Variants in MRE11 observed in about 807,000 individuals in gnomAD.
MRE11 encodes the protein double-strand break repair protein MRE11.
In MRE11, 62 loss-of-function variants were observed where a neutral mutation model predicts 91.7. The observed-to-expected ratio is 0.68, with a 90% confidence interval of 0.55 to 0.84. The LOEUF (loss-of-function observed/expected upper bound fraction) is 0.84. MRE11 is among the 40% of genes least tolerant of loss of function. The pLI is 0.00. For missense variants in MRE11, 796 were observed against 852.9 expected, an observed-to-expected ratio of 0.93 and a Z score of 0.83; for synonymous variants, 273 against 271.4, an observed-to-expected ratio of 1.01 and a Z score of -0.06.
chr11:94,503,105 A>T, the MRE11 span, among the ~76,000 whole-genome samples: 1 of 152,036 alleles, frequency 6.6e-6, no homozygotes, highest in African/African-American at 2.4e-5. Context: ...TATTTTTTTT[A>T]TCTATAGGCA....
chr11:94,424,396 C>T (rs1307832744), intron 19 of MRE11, among the ~76,000 whole-genome samples: 3 of 152,138 alleles, frequency 2.0e-5, no homozygotes, highest in African/African-American at 7.2e-5. Flanking sequence ...GGAACAATAG[C>T]CCTCTAACAT....
rs1478702211 is a variant in MRE11 at position 94,420,123 on chromosome 11, T to C, written c.*2A>G. ...GCATGTTTCTCAGTGCCATTAAATA[T>C]ATTATCTTCTATTTCTTCTTAAAGA... is the stretch of plus-strand genomic sequence containing the variant. On this transcript the variant is annotated 3_prime_UTR_variant, in exon 20 of 20. Transcript: ENST00000323929. 1.3e-6 allele frequency: 2 copies of C among 1,557,854 alleles called. No homozygotes were observed. The highest frequency in any genetic ancestry group is 3.3e-5 in the Admixed American group (2 of 59,720).
At chr11:94,465,021 T>A (rs115859866) in intron 10 of MRE11, among the ~76,000 whole-genome samples, 1 of 152,182 alleles carries the variant, frequency 6.6e-6, no homozygotes, top group Admixed American at 6.5e-5. Flanking sequence ...GTATCATGTC[T>A]CTCTTTGCAC....
At chr11:94,448,856 AAAGGTAGTAAGAG>A (rs1946018436) in intron 14 of MRE11, among the ~76,000 whole-genome samples, 1 of 152,222 alleles carries the variant, frequency 6.6e-6, no homozygotes, top group Non-Finnish European at 1.5e-5. Flanking sequence ...AAACCAATCA[AAAGGTAGTAAGAG>A]AACAAAAACA....
intron 13 of MRE11, among the ~76,000 whole-genome samples, chr11:94,458,805 T>C (rs997498793): frequency 1.3e-5 from 2 of 152,208 alleles, no homozygotes; most frequent in African/African-American, 4.8e-5. Flanking sequence ...ATTAGCTATT[T>C]ATATTTCTTT....
chr11:94,482,263 A>C (rs949977292), intron 4 of MRE11, among the ~76,000 whole-genome samples: 1 of 152,218 alleles, frequency 6.6e-6, no homozygotes, highest in Non-Finnish European at 1.5e-5. Flanking sequence ...GTTATGAAGG[A>C]CAGAACTAAG....
intron 17 of MRE11, among the ~76,000 whole-genome samples, chr11:94,436,648 T>C (rs1335066763): frequency 6.6e-6 from 1 of 152,158 alleles, no homozygotes. Flanking sequence ...ACACACAGTT[T>C]TGAAAGTGAA....
intron 11 of MRE11, among the ~76,000 whole-genome samples, chr11:94,461,517 C>T: frequency 6.6e-6 from 1 of 152,248 alleles, no homozygotes; most frequent in East Asian, 1.9e-4. Context: ...CAATATCATA[C>T]TGAATGGACA....
rs939310557 is a variant in MRE11 at position 94,435,829 on chromosome 11, T to C, written c.1994+3A>G. On this transcript the variant is annotated splice_donor_region_variant and intron_variant, in intron 18 of 19. Transcript: ENST00000323929. ...TTCTTTTGCAGAAAATCACTGCACC[T>C]ACCTTTGATCTGTCTTTGAAGTGGT... 6.2e-7 allele frequency: 1 copy of C among 1,611,764 alleles called. No individual in the cohort carries two copies. The highest frequency in any genetic ancestry group is 1.7e-4 in the Middle Eastern group (1 of 6,056).
upstream of MRE11, chr11:94,498,445 T>G (rs749169445): frequency 6.2e-7 from 1 of 1,613,934 alleles, no homozygotes; most frequent in Non-Finnish European, 8.5e-7. Context: ...TGGAAGAAAC[T>G]GCATTTGATA....
chr11:94,455,701 C>T (rs1289522924), intron 14 of MRE11, among the ~76,000 whole-genome samples: 1 of 152,050 alleles, frequency 6.6e-6, no homozygotes, highest in Non-Finnish European at 1.5e-5. Context: ...TCTATTTGCC[C>T]ATGCTTGCTT....
At chr11:94,502,786 G>A in the MRE11 span, among the ~76,000 whole-genome samples, 1 of 151,996 alleles carries the variant, frequency 6.6e-6, no homozygotes, top group African/African-American at 2.4e-5. Context: ...TGATTCTCAT[G>A]CCTCAGCCTC....
Position 94,478,638 on chromosome 11 carries a change from C to T in MRE11, c.544+97G>A, listed in dbSNP as rs187414774. On this transcript the variant is annotated intron_variant, in intron 6 of 19. Transcript: ENST00000323929. ...AGTCACCAATAAAGAATAAGGTTTG[C>T]CCCATTTTTTCCAAACAGATACAAA... is the stretch of plus-strand genomic sequence containing the variant. 52 of 1,396,382 alleles carry T rather than the reference C, an allele frequency of 3.7e-5. 2 individuals carry two copies. The African/African-American group carries it at 6.1e-4, about 16-fold the overall frequency. The allele number at this position is 1,396,382 out of a possible 1,614,324, so 86.5% of individuals were successfully genotyped here.
chr11:94,496,808 A>C, upstream of MRE11: 3 of 1,614,082 alleles, frequency 1.9e-6, no homozygotes, highest in Non-Finnish European at 2.5e-6. Flanking sequence ...CCTTATTCCT[A>C]CTGGTACTCA....
chr11:94,437,297 A>T (rs1945646412), intron 16 of MRE11, 62 bp from the exon 17 acceptor site: 2 of 1,508,216 alleles, frequency 1.3e-6, no homozygotes, highest in Non-Finnish European at 1.8e-6. Flanking sequence ...AAAAACTTGC[A>T]TACTTCTTTA....
At position 94,486,089 on chromosome 11, in the gene MRE11, T is replaced by A. The variant is rs775280657; in HGVS notation, c.154-5A>T. The stretch of plus-strand genomic sequence containing the variant: ...ACCTAACAAAATAAAATCCACCTGA[T>A]CAACAGAAAAAGGTGTTAAAATTAG... On this transcript the variant is annotated splice_region_variant and splice_polypyrimidine_tract_variant and intron_variant, in intron 3 of 19. Transcript: ENST00000323929. The A allele has an allele frequency of 1.2e-5, 20 of 1,613,352 alleles. No homozygotes were observed. In the Admixed American group the frequency reaches 3.3e-4, roughly 27 times the overall value.
Position 94,447,429 on chromosome 11 carries a change from T to C in MRE11, c.1573A>G (p.Arg525Gly). ...GACTGAGATCTGAGTGCTCTGGCCC[T>C]GGTCATAGCCTAAGAGGGAGAAGAA... ...EDDEVREAMT[R>G]ARALRSQSEE... The change falls in exon 15 of 20, where the codon AGG (arginine) becomes GGG (glycine). Residue 525 changes from arginine to glycine, a missense_variant. Coordinates refer to ENST00000323929, the MANE Select transcript of MRE11 (RefSeq NM_005591.4). The C allele has an allele frequency of 6.2e-7, 1 of 1,614,010 alleles. No individual in the cohort carries two copies. The highest frequency in any genetic ancestry group is 8.5e-7 in the Non-Finnish European group (1 of 1,179,894).
intron 7 of MRE11, among the ~76,000 whole-genome samples, chr11:94,474,447 ATAAG>A (rs56188852): frequency 0.24 from 36,918 of 151,808 alleles, 4,866 homozygotes; most frequent in Middle Eastern, 0.32. Context: ...AATGACATAA[ATAAG>A]TAAGTAAATA....
chr11:94,425,269 G>A (rs915661326), intron 19 of MRE11, among the ~76,000 whole-genome samples: 2 of 152,066 alleles, frequency 1.3e-5, no homozygotes, highest in Admixed American at 6.5e-5. Flanking sequence ...AAGCAAAGGA[G>A]AAATAAAATC....
Sources: gnomAD v4.1 joint callset for allele counts (sites outside exome capture counted in the v4.1 genomes callset) on GRCh38, gnomAD v4.1.1 for gene constraint, MANE v1.5 for transcripts, NCBI Gene and HGNC (gene_info 2026-07-23, HGNC 2026-07-21) for gene names.